MYOM2: variants seen among roughly 807,000 people sequenced by gnomAD.
MYOM2 encodes myomesin 2.
In MYOM2, 254 loss-of-function variants were observed where a neutral mutation model predicts 187.6. The observed-to-expected ratio is 1.35, with a 90% CI of 1.22 to 1.50. MYOM2 has a LOEUF of 1.50. MYOM2 is among the 40% of genes most tolerant of loss of function. MYOM2 has a pLI of 0.00. For missense variants in MYOM2, 2,796 were observed against 1,924.0 expected (o/e 1.45, Z -8.48); for synonymous variants, 981 against 753.8 (o/e 1.30, Z -4.94).
At chr8:2,056,988 T>C (rs1818688203) in intron 3 of MYOM2, among the ~76,000 whole-genome samples, 1 of 152,206 alleles carries the variant, frequency 6.6e-6, no homozygotes, top group Non-Finnish European at 1.5e-5. Flanking sequence ...TCTGAGTGGG[T>C]GCCTGTTGTC....
intron 19 of MYOM2, among the ~76,000 whole-genome samples, chr8:2,099,584 C>G (rs958829699): frequency 6.6e-6 from 1 of 152,152 alleles, no homozygotes; most frequent in Non-Finnish European, 1.5e-5. Context: ...TTAGCTCGCA[C>G]TCTACTGGTT....
intron 32 of MYOM2, among the ~76,000 whole-genome samples, chr8:2,138,563 C>G (rs891315083): frequency 6.6e-6 from 1 of 152,198 alleles, no homozygotes; most frequent in African/African-American, 2.4e-5. Context: ...GTCACTTTTA[C>G]ATTATGTGCA....
intron 14 of MYOM2, among the ~76,000 whole-genome samples, chr8:2,086,442 C>CA (rs1796065340): frequency 6.9e-6 from 1 of 144,546 alleles, no homozygotes; most frequent in Non-Finnish European, 1.5e-5. Flanking sequence ...TGCGTGGCCC[C>CA]CTACTGTCGT....
At position 2,057,998 on chromosome 8, in the gene MYOM2, G is replaced by GT. The variant is rs572901199; in HGVS notation, c.560+256dup. On this transcript the variant is annotated intron_variant, in intron 5 of 36. Coordinates refer to ENST00000262113, the MANE Select transcript of MYOM2 (RefSeq NM_003970.4). ...ATTGAGTCAACAAATTTTTCAGAGG[G>GT]TTTTTTTTTTTTTTTTTTTTTTTTT... 6.7e-4 allele frequency among the ~76,000 whole-genome samples: 54 copies of GT among 80,738 alleles called. 8 individuals carry two copies. The highest frequency in any genetic ancestry group is 2.1e-3 in the African/African-American group (44 of 20,874). 53.0% of individuals were successfully genotyped at this position (80,738 alleles called of 152,430 possible).
chr8:2,085,334 A>G lies in MYOM2; in HGVS notation c.1588A>G (p.Ser530Gly), dbSNP rs753350091. 1.2e-6 allele frequency: 2 copies of G among 1,613,878 alleles called. No individual in the cohort carries two copies. Among genetic ancestry groups the G allele is most frequent in the South Asian group, 2.2e-5 (2 of 91,076 alleles). Residue 530 changes from serine to glycine, a missense_variant, in exon 14 of 37, where the codon AGC becomes GGC. Ser to Gly is a moderately conservative substitution (Grantham distance 56, BLOSUM62 0). Transcript: ENST00000262113. ...GATCAGCAGAAACTATGTCGTCCTC[A>G]GCTGGGAGCCACCCACTCCCCGTGG... ...SEISRNYVVL[S>G]WEPPTPRGKD... is the part of the protein sequence containing the mutation.
At chr8:2,095,026 T>G (rs926323282) in intron 17 of MYOM2, among the ~76,000 whole-genome samples, 14 of 152,230 alleles carry the variant, frequency 9.2e-5, no homozygotes, top group African/African-American at 3.4e-4. Context: ...CACAGGGTTA[T>G]CTTCCCACTT....
Position 2,117,876 on chromosome 8 carries a change from C to A in MYOM2, c.3386-9C>A. On this transcript the variant is annotated splice_polypyrimidine_tract_variant and intron_variant, in intron 27 of 36. Transcript: ENST00000262113. Reference sequence around the variant, plus strand: ...TTTTATATGTTTTCTTCCCTTTTTTCCTCCCTAGGCCCTCATTTTGCTGAG... The same window carrying A: ...TTTTATATGTTTTCTTCCCTTTTTTACTCCCTAGGCCCTCATTTTGCTGAG... The A allele has an allele frequency of 1.3e-6, 2 of 1,582,728 alleles. No homozygotes were observed. Among genetic ancestry groups the A allele is most frequent in the East Asian group, 2.3e-5 (1 of 44,218 alleles).
At chr8:2,127,576 T>C (rs889989718) in intron 31 of MYOM2, among the ~76,000 whole-genome samples, 14 of 152,128 alleles carry the variant, frequency 9.2e-5, no homozygotes, top group Admixed American at 6.5e-4. Context: ...AGGCAGGCAG[T>C]ACCTCGGCGT....
rs1819777773 is a variant in MYOM2 at position 2,085,337 on chromosome 8, T to G, written c.1591T>G (p.Trp531Gly). ...CAGCAGAAACTATGTCGTCCTCAGC[T>G]GGGAGCCACCCACTCCCCGTGGCAA... ...EISRNYVVLS[W>G]EPPTPRGKDP... The change falls in exon 14 of 37, where the codon TGG (tryptophan) becomes GGG (glycine). Residue 531 changes from tryptophan (W) to glycine (G), a missense_variant. Transcript: ENST00000262113. The G allele has an allele frequency of 6.2e-7, 1 of 1,614,026 alleles. No individual in the cohort carries two copies. Among genetic ancestry groups the G allele is most frequent in the Admixed American group, 1.7e-5 (1 of 59,998 alleles).
intron 32 of MYOM2, among the ~76,000 whole-genome samples, chr8:2,130,576 A>G (rs1797830118): frequency 6.6e-6 from 1 of 152,238 alleles, no homozygotes; most frequent in Admixed American, 6.5e-5. Context: ...GAAAGCATGT[A>G]TGTTCTTAGC....
rs972555047 is a variant in MYOM2 at position 2,109,204 on chromosome 8, T to G, written c.3044-191T>G. 39 of 619,476 alleles carry G rather than the reference T, an allele frequency of 6.3e-5. 1 individual carries two copies. In the South Asian group the frequency reaches 6.3e-4, roughly 10 times the overall value. The allele number at this position is 619,476 out of a possible 1,614,324, so 38.4% of individuals were successfully genotyped here. A position where few individuals can be genotyped will look rare whatever the true frequency, so the allele number is the denominator to read the frequency against. ...AAGCTAACTGAGAACTCATGTGGCA[T>G]GAGGCTTTAGAGGCAACAACAGGCC... On this transcript the variant is annotated intron_variant, in intron 24 of 36. Coordinates refer to ENST00000262113, the MANE Select transcript of MYOM2 (RefSeq NM_003970.4).
chr8:2,123,720 CTA>C, intron 30 of MYOM2, 78 bp downstream of exon 30: 1 of 1,235,590 alleles, frequency 8.1e-7, no homozygotes, highest in Non-Finnish European at 1.2e-6. Context: ...GAAGGCAGGT[CTA>C]TGTCTAGCCT....
chr8:2,117,284 C>T (rs546075151), intron 27 of MYOM2, among the ~76,000 whole-genome samples: 218 of 152,220 alleles, frequency 1.4e-3, no homozygotes, highest in Non-Finnish European at 2.0e-3. Context: ...CTTTCCAAAT[C>T]TGCTTTGTAT....
In MYOM2 at chr8:2,090,633, C is replaced by T. The variant is rs61401600; in HGVS notation, c.1828+442C>T. On this transcript the variant is annotated intron_variant, in intron 15 of 36. Transcript: ENST00000262113. ...CCTCTCCCTCCTCCCACCCTAGACC[C>T]TCTGATAGTCCCCCGTGTGTATTTC... 7.0e-3 allele frequency among the ~76,000 whole-genome samples: 1,073 copies of T among 152,238 alleles called. 14 individuals are homozygous for T. The highest frequency in any genetic ancestry group is 0.024 in the African/African-American group (999 of 41,530).
intron 2 of MYOM2, 84 bp from the exon 3 acceptor site, chr8:2,052,074 G>A: frequency 8.9e-6 from 14 of 1,567,444 alleles, no homozygotes; most frequent in Non-Finnish European, 1.2e-5. Flanking sequence ...TTTGGGGTGT[G>A]TAGAGAGAAA....
intron 14 of MYOM2, among the ~76,000 whole-genome samples, chr8:2,087,562 C>A (rs748285977): frequency 1.3e-5 from 2 of 152,210 alleles, no homozygotes; most frequent in African/African-American, 4.8e-5. Flanking sequence ...TCAGGCCCCT[C>A]ATTCCCCTCA....
At chr8:2,118,568 C>G (rs1350788217) in intron 28 of MYOM2, among the ~76,000 whole-genome samples, 1 of 152,134 alleles carries the variant, frequency 6.6e-6, no homozygotes, top group African/African-American at 2.4e-5. Context: ...GATTCGTGAG[C>G]TGCGTGTGCC....
intron 31 of MYOM2, among the ~76,000 whole-genome samples, chr8:2,125,745 C>A (rs1437432956): frequency 6.7e-6 from 1 of 150,342 alleles, no homozygotes; most frequent in East Asian, 2.0e-4. Context: ...GTAGCTGGGA[C>A]TACAGGCACG....
At chr8:2,063,100 G>T (rs1818904500) in intron 6 of MYOM2, among the ~76,000 whole-genome samples, 1 of 152,138 alleles carries the variant, frequency 6.6e-6, no homozygotes, top group Non-Finnish European at 1.5e-5. Context: ...ACCACCTTTT[G>T]TCTCAGTATT....
Sources: allele counts gnomAD v4.1 joint callset (sites outside exome capture counted in the v4.1 genomes callset), GRCh38; gene constraint gnomAD v4.1.1; transcripts MANE v1.5; gene names NCBI Gene and HGNC (gene_info 2026-07-23, HGNC 2026-07-21).